Variants in DOCK10 observed in about 807,000 individuals in gnomAD.
DOCK10 encodes dedicator of cytokinesis 10, also known as dedicator of cytokinesis protein 10.
DOCK10 carries 145 observed loss-of-function variants against 280.1 expected under a neutral mutation model. The observed-to-expected ratio is 0.52, with a 90% CI of 0.45 to 0.59. DOCK10 has a LOEUF of 0.59. DOCK10 is among the 20% of genes least tolerant of loss of function. The probability of loss-of-function intolerance (pLI) is 0.00; values close to 1 mark genes in which losing one functional copy is unlikely to be tolerated. For synonymous variants in DOCK10, 915 were observed against 942.2 expected (o/e 0.97, Z 0.53); for missense variants, 2,368 against 2,651.7 (o/e 0.89, Z 2.35).
chr2:224,984,181 T>A (rs1228818235), intron 1 of DOCK10, among the ~76,000 whole-genome samples: 1 of 151,988 alleles, frequency 6.6e-6, no homozygotes, highest in Non-Finnish European at 1.5e-5. Flanking sequence ...GGCTGCGTAG[T>A]TTGCAGGCAG....
At chr2:224,976,768 A>G (rs13386247) in intron 1 of DOCK10, among the ~76,000 whole-genome samples, 71,677 of 151,468 alleles carry the variant, frequency 0.47, 17,833 homozygotes, top group African/African-American at 0.6. Flanking sequence ...GTAAATGGTC[A>G]GAATACTTTA....
chr2:224,975,375 T>C (rs969788738), intron 1 of DOCK10, among the ~76,000 whole-genome samples: 2 of 152,178 alleles, frequency 1.3e-5, no homozygotes, highest in Non-Finnish European at 2.9e-5. Context: ...TGGTAGACTG[T>C]TTAAACTCAT....
chr2:224,788,151 G>A (rs1052729510), intron 48 of DOCK10, among the ~76,000 whole-genome samples: 4 of 151,886 alleles, frequency 2.6e-5, no homozygotes, highest in African/African-American at 4.8e-5. Context: ...TTGGCCACTG[G>A]GCATCTGTTT....
At chr2:224,832,691 C>A (rs1250631343) in intron 26 of DOCK10, among the ~76,000 whole-genome samples, 1 of 152,056 alleles carries the variant, frequency 6.6e-6, no homozygotes, top group Non-Finnish European at 1.5e-5. Context: ...CTGCTGCAAT[C>A]CTCTTTCCCT....
chr2:224,976,954 C>G (rs1440468602), intron 1 of DOCK10, among the ~76,000 whole-genome samples: 8 of 152,152 alleles, frequency 5.3e-5, no homozygotes, highest in African/African-American at 1.9e-4. Flanking sequence ...AATCAGAGTG[C>G]TGGACCGAGC....
chr2:224,885,649 AG>A lies in DOCK10; in HGVS notation c.747+21del, dbSNP rs1278800497. Reference sequence around the variant, plus strand: ...TTTCAAATAAAAAAAAATCCCAAGGAGGAAAAGGGATGTCTACTCACCTGCA... The same window carrying A: ...TTTCAAATAAAAAAAAATCCCAAGGAGAAAAGGGATGTCTACTCACCTGCA... On this transcript the variant is annotated intron_variant, in intron 7 of 55. Coordinates refer to ENST00000258390, the MANE Select transcript of DOCK10 (RefSeq NM_014689.3). The A allele has an allele frequency of 2.6e-6, 4 of 1,554,658 alleles. No homozygotes were observed. The East Asian group carries it at 9.2e-5, about 36-fold the overall frequency.
chr2:224,870,633 C>G (rs1339750199), intron 11 of DOCK10, among the ~76,000 whole-genome samples: 7 of 152,080 alleles, frequency 4.6e-5, no homozygotes, highest in Non-Finnish European at 1.0e-4. Context: ...TATCTTTATC[C>G]CAACAGCCAT....
At chr2:224,989,405 G>A (rs1346132671) in intron 1 of DOCK10, among the ~76,000 whole-genome samples, 2 of 152,156 alleles carry the variant, frequency 1.3e-5, no homozygotes, top group African/African-American at 2.4e-5. Context: ...TGAATCAACA[G>A]ATAATAAAAA....
At chr2:225,009,091 G>A (rs1431693057) in intron 1 of DOCK10, among the ~76,000 whole-genome samples, 1 of 152,152 alleles carries the variant, frequency 6.6e-6, no homozygotes, top group Non-Finnish European at 1.5e-5. Context: ...AGCCAACATT[G>A]GAAAGACCAC....
intron 1 of DOCK10, among the ~76,000 whole-genome samples, chr2:224,976,192 C>A (rs1705429424): frequency 6.6e-6 from 1 of 150,592 alleles, no homozygotes; most frequent in South Asian, 2.1e-4. Flanking sequence ...AATGAGAACA[C>A]ATGGACACAG....
intron 1 of DOCK10, among the ~76,000 whole-genome samples, chr2:224,961,412 C>CTTTCTCTTTCTTTCTTTCTT (rs57668925): frequency 8.4e-6 from 1 of 119,382 alleles, no homozygotes; most frequent in African/African-American, 3.4e-5. Context: ...TTCTTTCTTT[C>CTTTCTCTTTCTTTCTTTCTT]TCTTTCTTTC....
At chr2:224,875,329 T>C (rs148215298) in intron 8 of DOCK10, among the ~76,000 whole-genome samples, 89 of 152,344 alleles carry the variant, frequency 5.8e-4, no homozygotes, top group Middle Eastern at 6.8e-3. Context: ...AACTTAAAGA[T>C]GCTTTGGTTT....
At chr2:224,918,449 ATG>A (rs148979457) in intron 2 of DOCK10, among the ~76,000 whole-genome samples, 34,808 of 147,992 alleles carry the variant, frequency 0.24, 4,423 homozygotes, top group Non-Finnish European at 0.28. Context: ...TGGTGTGTGT[ATG>A]TGTTATGTGA....
intron 22 of DOCK10, among the ~76,000 whole-genome samples, chr2:224,842,506 G>A (rs965323463): frequency 3.3e-5 from 5 of 152,196 alleles, no homozygotes; most frequent in Admixed American, 6.5e-5. Context: ...GACACACTCT[G>A]AATGTTTCCC....
At chr2:224,895,839 G>GTATA (rs1212771046) in intron 4 of DOCK10, among the ~76,000 whole-genome samples, 12 of 116,186 alleles carry the variant, frequency 1.0e-4, no homozygotes, top group Non-Finnish European at 1.5e-4. Context: ...GTGCGTGTGT[G>GTATA]TGTATATATA....
chr2:224,906,814 T>C (rs1212826952), intron 3 of DOCK10, among the ~76,000 whole-genome samples: 2 of 152,202 alleles, frequency 1.3e-5, no homozygotes, highest in Non-Finnish European at 2.9e-5. Context: ...CAGGGGGTAC[T>C]TGTCAGAGTG....
At position 224,856,980 on chromosome 2, in the gene DOCK10, G is replaced by C; in HGVS notation, c.1688C>G (p.Ser563Ter). Residue 563 changes from serine to a stop codon, truncating the protein, a stop_gained and splice_region_variant, in exon 15 of 56, where the codon TCA becomes TGA. Transcript: ENST00000258390. LOFTEE classifies it high-confidence loss of function. ...YRMPFAWAVR[S>*]VFKDNQGNVD... ...ATTTCCCTGGTTGTCCTTAAATACT[G>C]ATCTAAAAGAAAATATTTATTCAGG... The C allele has an allele frequency of 6.2e-7, 1 of 1,600,110 alleles. No homozygotes were observed. The highest frequency in any genetic ancestry group is 8.5e-7 in the Non-Finnish European group (1 of 1,173,186).
At position 224,796,309 on chromosome 2, in the gene DOCK10, T is replaced by G. The variant is rs890552019; in HGVS notation, c.4938+7A>C. 7 of 1,526,850 alleles carry G rather than the reference T, an allele frequency of 4.6e-6. No homozygotes were observed. The Admixed American group carries it at 9.8e-5, about 21-fold the overall frequency. 94.6% of individuals were successfully genotyped at this position (1,526,850 alleles called of 1,614,324 possible). On this transcript the variant is annotated splice_region_variant and intron_variant, in intron 44 of 55. Transcript: ENST00000258390. ...TCTGCAGTAAAAGCCCACAAAGCAT[T>G]TCTTACTTTCATTTGCTTATCTCCA...
intron 1 of DOCK10, among the ~76,000 whole-genome samples, chr2:224,943,124 C>A (rs1382862189): frequency 6.6e-6 from 1 of 152,124 alleles, no homozygotes; most frequent in African/African-American, 2.4e-5. Flanking sequence ...CAGACCACCA[C>A]ACACATTTCA....
Sources: gnomAD v4.1 joint callset for allele counts (sites outside exome capture counted in the v4.1 genomes callset) on GRCh38, gnomAD v4.1.1 for gene constraint, MANE v1.5 for transcripts, NCBI Gene and HGNC (gene_info 2026-07-23, HGNC 2026-07-21) for gene names.